The following PDE4D variants were observed in gnomAD, a reference collection of about 807,000 sequenced individuals.
The protein encoded by PDE4D is phosphodiesterase 4D, also known as 3',5'-cyclic-AMP phosphodiesterase 4D.
A neutral mutation model predicts 87.4 loss-of-function variants in PDE4D; 24 were observed. The ratio of observed to expected loss-of-function variants is 0.27; its 90% CI spans 0.20 to 0.39. The LOEUF is 0.39. Ranked by LOEUF, PDE4D falls within the 10% of genes least tolerant of loss-of-function variation. The pLI is 1.00. For missense variants in PDE4D, 714 were observed against 1,041.0 expected, an observed-to-expected ratio of 0.69 and a Z score of 4.32; for synonymous variants, 384 against 383.2, an observed-to-expected ratio of 1.00 and a Z score of -0.02.
At chr5:60,082,462 A>G (rs1480324633) in intron 2 of PDE4D, among the ~76,000 whole-genome samples, 3 of 152,196 alleles carry the variant, frequency 2.0e-5, no homozygotes, top group African/African-American at 7.2e-5. Flanking sequence ...ATAGTAATTT[A>G]TTACAGCAAC....
chr5:60,315,565 C>T (rs1016560268), intron 1 of PDE4D, among the ~76,000 whole-genome samples: 17 of 152,136 alleles, frequency 1.1e-4, no homozygotes, highest in African/African-American at 4.1e-4. Context: ...CTTGTCCATG[C>T]CTATGTCCTG....
At chr5:59,597,193 G>A (rs1292792444) in intron 1 of PDE4D, among the ~76,000 whole-genome samples, 2 of 152,088 alleles carry the variant, frequency 1.3e-5, no homozygotes, top group East Asian at 1.9e-4. Context: ...GAAACCTTAT[G>A]TTGCTATTCA....
chr5:60,073,022 G>A (rs1335759033), intron 2 of PDE4D, among the ~76,000 whole-genome samples: 1 of 152,012 alleles, frequency 6.6e-6, no homozygotes, highest in African/African-American at 2.4e-5. Flanking sequence ...TTGCCTGATA[G>A]CTCTGGCCAG....
At chr5:60,288,778 C>T (rs373934661) in intron 1 of PDE4D, among the ~76,000 whole-genome samples, 5 of 152,256 alleles carry the variant, frequency 3.3e-5, no homozygotes, top group Admixed American at 6.5e-5. Context: ...TATTTTCAAT[C>T]GCATCAAATT....
intron 1 of PDE4D, among the ~76,000 whole-genome samples, chr5:59,573,697 G>A (rs911315384): frequency 4.6e-5 from 7 of 151,710 alleles, no homozygotes; most frequent in South Asian, 2.1e-4. Flanking sequence ...CCAAGGGCAC[G>A]TTCAAAATAG....
chr5:59,362,617 T>C (rs1782396509), intron 1 of PDE4D, among the ~76,000 whole-genome samples: 1 of 152,180 alleles, frequency 6.6e-6, no homozygotes, highest in Non-Finnish European at 1.5e-5. Flanking sequence ...TACTTATTTT[T>C]TGAAAACTTA....
rs145576308 is a variant in PDE4D at position 59,122,774 on chromosome 5, C to A, written c.808+57821G>T. 5.4e-3 allele frequency among the ~76,000 whole-genome samples: 826 copies of A among 152,276 alleles called. 2 individuals are homozygous for A. The highest frequency in any genetic ancestry group is 0.019 in the African/African-American group (774 of 41,548). Reference sequence around the variant, plus strand: ...CATTTACAATGTTGTGCAACCACCACCTCTATCTAGTTCCAAACATTTTCA... The same window carrying A: ...CATTTACAATGTTGTGCAACCACCAACTCTATCTAGTTCCAAACATTTTCA... On this transcript the variant is annotated intron_variant, in intron 5 of 14. Transcript: ENST00000340635.
intron 1 of PDE4D, among the ~76,000 whole-genome samples, chr5:60,276,432 T>C (rs1199456892): frequency 6.6e-6 from 1 of 152,194 alleles, no homozygotes; most frequent in Non-Finnish European, 1.5e-5. Context: ...TTTATATGTA[T>C]ATAGTGAACT....
In PDE4D at chr5:59,188,292, G is replaced by A. The variant is rs138429476; in HGVS notation, c.685-3030C>T. ...TTCTGCCCCACCAAGCAGAAGTATA[G>A]CCAGTCAATGTCAAAATTACATTGG... On this transcript the variant is annotated intron_variant, in intron 3 of 14. Transcript: ENST00000340635. 2.3e-3 allele frequency among the ~76,000 whole-genome samples: 353 copies of A among 152,208 alleles called. 3 individuals are homozygous for A. The highest frequency in any genetic ancestry group is 8.2e-3 in the African/African-American group (339 of 41,546).
intron 1 of PDE4D, among the ~76,000 whole-genome samples, chr5:59,250,294 T>A (rs1405301598): frequency 2.1e-5 from 3 of 145,330 alleles, no homozygotes; most frequent in Non-Finnish European, 3.0e-5. Flanking sequence ...TTGGGCAACA[T>A]AGGGAGACAC....
chr5:59,600,362 A>G (rs150925244), intron 1 of PDE4D, among the ~76,000 whole-genome samples: 1 of 152,296 alleles, frequency 6.6e-6, no homozygotes, highest in East Asian at 1.9e-4. Context: ...GTGTCTGGCT[A>G]TGACTGTCCA....
In PDE4D at chr5:59,129,021, T is replaced by C. The variant is rs1463426793; in HGVS notation, c.808+51574A>G. On this transcript the variant is annotated intron_variant, in intron 5 of 14. Transcript: ENST00000340635. ...GGTATGCTTTTCCTACTACAACACA[T>C]AGCTCCTGATTATTCAAAACCTAAT... 1.1e-4 allele frequency among the ~76,000 whole-genome samples: 16 copies of C among 152,174 alleles called. 1 individual carries two copies. Among genetic ancestry groups the C allele is most frequent in the Non-Finnish European group, 1.5e-5 (1 of 68,034 alleles).
intron 1 of PDE4D, among the ~76,000 whole-genome samples, chr5:59,729,390 C>T (rs1488547888): frequency 6.6e-6 from 1 of 152,040 alleles, no homozygotes; most frequent in East Asian, 1.9e-4. Flanking sequence ...AAATTAGAAG[C>T]ACGATTCATT....
At chr5:59,636,387 AT>A (rs1386815876) in intron 1 of PDE4D, among the ~76,000 whole-genome samples, 1 of 152,174 alleles carries the variant, frequency 6.6e-6, no homozygotes, top group Admixed American at 6.5e-5. Context: ...ACTACTTTAA[AT>A]TTCATATGGA....
chr5:59,445,424 C>T (rs1386351744), intron 1 of PDE4D, among the ~76,000 whole-genome samples: 1 of 152,206 alleles, frequency 6.6e-6, no homozygotes, highest in Non-Finnish European at 1.5e-5. Context: ...CTGTTCCCAA[C>T]ATTTATATGG....
At chr5:59,528,814 T>A (rs1410761168) in intron 1 of PDE4D, 1 of 271,562 alleles carries the variant, frequency 3.7e-6, no homozygotes, top group Admixed American at 4.6e-5. Flanking sequence ...GATACAAAAG[T>A]GTCACATGAA....
chr5:60,457,631 C>T (rs1308325308), intron 1 of PDE4D, among the ~76,000 whole-genome samples: 1 of 152,116 alleles, frequency 6.6e-6, no homozygotes, highest in Non-Finnish European at 1.5e-5. Flanking sequence ...TATTGTTCTG[C>T]CCCATGACTT....
intron 5 of PDE4D, among the ~76,000 whole-genome samples, chr5:59,099,393 G>A (rs1034723556): frequency 3.3e-5 from 5 of 152,066 alleles, no homozygotes; most frequent in African/African-American, 9.7e-5. Flanking sequence ...TTACTACCTG[G>A]GTCAGACCCT....
intron 1 of PDE4D, among the ~76,000 whole-genome samples, chr5:59,626,472 C>A (rs1203488827): frequency 6.6e-6 from 1 of 152,140 alleles, no homozygotes; most frequent in Non-Finnish European, 1.5e-5. Flanking sequence ...CTTTACAGAA[C>A]AAATGAGTGA....
Sources: gnomAD v4.1 joint callset for allele counts (sites outside exome capture counted in the v4.1 genomes callset) on GRCh38, gnomAD v4.1.1 for gene constraint, MANE v1.5 for transcripts, NCBI Gene and HGNC (gene_info 2026-07-23, HGNC 2026-07-21) for gene names.